Variants in CDC20B observed in about 807,000 individuals in gnomAD.
CDC20B encodes cell division cycle protein 20 homolog B.
Under a neutral mutation model 64.1 loss-of-function variants are expected in CDC20B, and 58 were observed. The ratio of observed to expected loss-of-function variants is 0.90; its 90% CI spans 0.73 to 1.13. CDC20B has a LOEUF of 1.13. Ranked by LOEUF, CDC20B falls within the 50% of genes most tolerant of loss-of-function variation. The pLI is 0.00. For missense variants in CDC20B, 597 were observed against 633.0 expected (o/e 0.94, Z 0.61); for synonymous variants, 243 against 230.6 (o/e 1.05, Z -0.49).
At chr5:55,140,177 G>A in intron 5 of CDC20B, 137 bp downstream of exon 5, 2 of 506,190 alleles carry the variant, frequency 4.0e-6, no homozygotes. Context: ...AGAGGATTAT[G>A]AGAATTATTC....
chr5:55,172,961 G>A lies in CDC20B; in HGVS notation c.40C>T (p.Arg14Cys). The A allele has an allele frequency of 6.2e-7, 1 of 1,611,648 alleles. No individual in the cohort carries two copies. The highest frequency in any genetic ancestry group is 1.1e-5 in the South Asian group (1 of 90,210). The change falls in exon 1 of 12, where the codon CGC (arginine) becomes TGC (cysteine). Residue 14 changes from arginine (R) to cysteine (C), a missense_variant. Coordinates refer to ENST00000381375, the MANE Select transcript of CDC20B (RefSeq NM_001170402.1). ...ACCCACAGCATCTCCTCTTCCGTGC[G>A]GACCCTCCGAGGCGCGGTGCGCTCC... ...KLERTAPRRVRTEEEMLWESI... is the reference protein window; with the variant it reads ...KLERTAPRRVCTEEEMLWESI...
chr5:55,162,090 CAAAAAAAAAAAAA>C (rs34286995), intron 2 of CDC20B, among the ~76,000 whole-genome samples: 3 of 90,714 alleles, frequency 3.3e-5, no homozygotes, highest in East Asian at 3.1e-4. Context: ...CCATATTAGT[CAAAAAAAAAAAAA>C]AAAAAAAAAA....
chr5:55,156,900 AT>A (rs1743824969), intron 2 of CDC20B, among the ~76,000 whole-genome samples: 1 of 152,188 alleles, frequency 6.6e-6, no homozygotes, highest in African/African-American at 2.4e-5. Flanking sequence ...AAATAAAAAA[AT>A]AAGTCATTTA....
chr5:55,146,401 ATT>A (rs1299523627), intron 3 of CDC20B, among the ~76,000 whole-genome samples: 6 of 152,142 alleles, frequency 3.9e-5, no homozygotes, highest in African/African-American at 1.4e-4. Context: ...GTAAAATTTA[ATT>A]TGTCTAAAGT....
intron 2 of CDC20B, 97 bp downstream of exon 2, chr5:55,172,491 G>T: frequency 3.0e-6 from 3 of 990,964 alleles, no homozygotes; most frequent in South Asian, 2.7e-5. Flanking sequence ...CATATTTTCA[G>T]ACCAGCTCAA....
chr5:55,141,657 T>C (rs1484669948), intron 4 of CDC20B, among the ~76,000 whole-genome samples: 2 of 152,236 alleles, frequency 1.3e-5, no homozygotes, highest in Non-Finnish European at 2.9e-5. Flanking sequence ...CAGAAGTCTC[T>C]CTGACAGACA....
intron 8 of CDC20B, among the ~76,000 whole-genome samples, chr5:55,125,582 C>T (rs1580340073): frequency 6.6e-6 from 1 of 152,168 alleles, no homozygotes; most frequent in African/African-American, 2.4e-5. Flanking sequence ...CAGCAAACTG[C>T]AATATGATTC....
chr5:55,149,887 AC>A (rs918127202), intron 2 of CDC20B, among the ~76,000 whole-genome samples: 3 of 152,202 alleles, frequency 2.0e-5, no homozygotes, highest in African/African-American at 4.8e-5. Flanking sequence ...TAATCCCAAC[AC>A]TTTGGGAGAC....
Position 55,114,221 on chromosome 5 carries a change from G to A in CDC20B, c.1557C>T (p.Tyr519=), listed in dbSNP as rs375314617. The change falls in exon 12 of 12, where the codon TAC becomes TAT. Residue 519 remains tyrosine (Y), a synonymous_variant. Coordinates refer to ENST00000381375, the MANE Select transcript of CDC20B (RefSeq NM_001170402.1). The surrounding 1 kb of genome is among the most constrained non-coding windows in gnomAD (Gnocchi z 4.1). Reference sequence around the variant, plus strand: ...TGAAACCTAGAGGGGCTGGGTGCTAGTAGCAATTCCATACAGAGGCCGTCC... The same window carrying A: ...TGAAACCTAGAGGGGCTGGGTGCTAATAGCAATTCCATACAGAGGCCGTCC... ...ADGTASVWNC[Y] The A allele has an allele frequency of 5.6e-6, 9 of 1,613,346 alleles. No homozygotes were observed. The highest frequency in any genetic ancestry group is 7.6e-6 in the Non-Finnish European group (9 of 1,179,670).
At chr5:55,134,769 T>C (rs991054576) in intron 5 of CDC20B, among the ~76,000 whole-genome samples, 1 of 152,046 alleles carries the variant, frequency 6.6e-6, no homozygotes, top group Admixed American at 6.6e-5. Flanking sequence ...GAAGAAACCT[T>C]AAATGCATAT....
chr5:55,115,820 T>C (rs1742608934), intron 11 of CDC20B, among the ~76,000 whole-genome samples: 1 of 152,168 alleles, frequency 6.6e-6, no homozygotes, highest in African/African-American at 2.4e-5. Context: ...AGATGCTTAT[T>C]CTTCTACACA....
At chr5:55,134,376 A>G (rs551979234) in intron 5 of CDC20B, among the ~76,000 whole-genome samples, 75 of 152,300 alleles carry the variant, frequency 4.9e-4, no homozygotes, top group African/African-American at 1.8e-3. Context: ...CCTGTAGCTG[A>G]GGGCAAAACT....
rs111684551 is a variant in CDC20B at position 55,173,008 on chromosome 5, T to C, written c.-8A>G. The stretch of plus-strand genomic sequence containing the variant: ...CTCCAGTTTCCACTCCATCTCCGGC[T>C]GACTTCGCCCTGCCTGGCGTTTGGC... On this transcript the variant is annotated 5_prime_UTR_variant, in exon 1 of 12. Coordinates refer to ENST00000381375, the MANE Select transcript of CDC20B (RefSeq NM_001170402.1). 1.3e-3 allele frequency: 2,130 copies of C among 1,609,654 alleles called. 28 individuals carry two copies. In the African/African-American group the frequency reaches 0.024, roughly 18 times the overall value.
intron 2 of CDC20B, among the ~76,000 whole-genome samples, chr5:55,149,318 C>T (rs1743592677): frequency 6.6e-6 from 1 of 152,026 alleles, no homozygotes; most frequent in Non-Finnish European, 1.5e-5. Context: ...TTGGTGATAC[C>T]TCAAAAAGAT....
At chr5:55,119,942 G>GA in intron 10 of CDC20B, 24 bp from the exon 11 acceptor site, 4 of 1,528,486 alleles carry the variant, frequency 2.6e-6, no homozygotes, top group African/African-American at 1.4e-5. Flanking sequence ...CAAAAATAGA[G>GA]AATTCTTGCA....
chr5:55,134,966 T>C (rs564958292), intron 5 of CDC20B, among the ~76,000 whole-genome samples: 14 of 152,218 alleles, frequency 9.2e-5, no homozygotes, highest in Non-Finnish European at 2.9e-5. Context: ...ATAATAGTGA[T>C]ACATGTCATT....
At chr5:55,135,537 AGAAGGCCT>A (rs979645628) in intron 5 of CDC20B, among the ~76,000 whole-genome samples, 2 of 152,190 alleles carry the variant, frequency 1.3e-5, no homozygotes, top group African/African-American at 4.8e-5. Context: ...AAGAACATTT[AGAAGGCCT>A]GAAATTTTGT....
At chr5:55,130,875 C>T (rs1743011680) in intron 6 of CDC20B, among the ~76,000 whole-genome samples, 1 of 152,188 alleles carries the variant, frequency 6.6e-6, no homozygotes, top group Non-Finnish European at 1.5e-5. Context: ...AATCCCAGCA[C>T]TTTGGGAGGC....
chr5:55,120,091 G>A (rs1026233774), intron 10 of CDC20B, among the ~76,000 whole-genome samples, 173 bp from the exon 11 acceptor site: 17 of 152,078 alleles, frequency 1.1e-4, no homozygotes, highest in East Asian at 1.9e-4. Context: ...GGCAACAAAG[G>A]ATCAAGTATA....
Sources: gnomAD v4.1 joint callset for allele counts (sites outside exome capture counted in the v4.1 genomes callset) on GRCh38, gnomAD v4.1.1 for gene constraint, Gnocchi (gnomAD v3.1) non-coding constraint, MANE v1.5 for transcripts, NCBI Gene and HGNC (gene_info 2026-07-23, HGNC 2026-07-21) for gene names.